Variants in CLDN18 observed in about 807,000 individuals in gnomAD.
CLDN18 encodes claudin-18.
Under a neutral mutation model 25.0 loss-of-function variants are expected in CLDN18, and 20 were observed. The ratio of observed to expected loss-of-function variants is 0.80; its 90% CI spans 0.56 to 1.16. CLDN18 has a LOEUF of 1.16. Among genes scored for constraint, CLDN18 ranks in the 50% most tolerant of loss-of-function variants. The pLI, the probability that CLDN18 is intolerant of heterozygous loss-of-function variation, is 0.00. For missense variants in CLDN18, 297 were observed against 345.4 expected, an observed-to-expected ratio of 0.86 and a Z score of 1.11; for synonymous variants, 125 against 135.6, an observed-to-expected ratio of 0.92 and a Z score of 0.54.
intron 1 of CLDN18, among the ~76,000 whole-genome samples, chr3:138,021,815 C>T (rs1942273332): frequency 1.3e-5 from 2 of 152,172 alleles, no homozygotes; most frequent in Non-Finnish European, 2.9e-5. Context: ...GGCTTCGAAC[C>T]TGGAGGGGTG....
intron 1 of CLDN18, among the ~76,000 whole-genome samples, 162 bp from the exon 2 acceptor site, chr3:138,023,496 C>T (rs1942292089): frequency 6.6e-6 from 1 of 152,226 alleles, no homozygotes; most frequent in Non-Finnish European, 1.5e-5. Flanking sequence ...CACAATTCCA[C>T]ATCCTTTGAC....
Position 138,032,051 on chromosome 3 carries a change from T to C in CLDN18, c.*910T>C, listed in dbSNP as rs1942403352. On this transcript the variant is annotated 3_prime_UTR_variant, in exon 5 of 5. Transcript: ENST00000183605. ...CTTAAGTACAAATTCCATGAAAAGC[T>C]CACTGATCCTAATTCTTTCCCTTTG... is the stretch of plus-strand genomic sequence containing the variant. The C allele has an allele frequency of 6.6e-6, 1 of 152,214 alleles. No individual in the cohort carries two copies. Among genetic ancestry groups the C allele is most frequent in the South Asian group, 2.1e-4 (1 of 4,828 alleles). 9.4% of individuals were successfully genotyped at this position (152,214 alleles called of 1,614,324 possible).
At chr3:138,026,290 C>G (rs766166484) in intron 3 of CLDN18, among the ~76,000 whole-genome samples, 3 of 152,360 alleles carry the variant, frequency 2.0e-5, no homozygotes, top group South Asian at 4.1e-4. Flanking sequence ...TGTACACAGT[C>G]TGCAAGGTGT....
At chr3:138,017,479 C>T (rs1942219704) in intron 1 of CLDN18, among the ~76,000 whole-genome samples, 1 of 152,178 alleles carries the variant, frequency 6.6e-6, no homozygotes, top group South Asian at 2.1e-4. Flanking sequence ...AACCAAACCA[C>T]ATTTAACCAG....
chr3:138,013,033 A>T (rs1263863906), intron 1 of CLDN18, among the ~76,000 whole-genome samples: 1 of 152,178 alleles, frequency 6.6e-6, no homozygotes, highest in Non-Finnish European at 1.5e-5. Flanking sequence ...TTATTTCCCC[A>T]TTTCCCAGAA....
chr3:138,027,922 GT>G (rs1291545759), intron 3 of CLDN18, among the ~76,000 whole-genome samples: 1 of 152,132 alleles, frequency 6.6e-6, no homozygotes, highest in African/African-American at 2.4e-5. Flanking sequence ...CCAAATTTCT[GT>G]CTTTTTCCCA....
intron 1 of CLDN18, among the ~76,000 whole-genome samples, chr3:138,022,415 A>G (rs1942282674): frequency 6.6e-6 from 1 of 152,204 alleles, no homozygotes; most frequent in Non-Finnish European, 1.5e-5. Context: ...CGAAATCAAG[A>G]ATAAATATTT....
chr3:138,010,732 C>T (rs534972541), intron 1 of CLDN18, among the ~76,000 whole-genome samples: 337 of 152,304 alleles, frequency 2.2e-3, no homozygotes, highest in African/African-American at 7.9e-3. Context: ...GGAATAAACT[C>T]GTGTTTCTCA....
intron 1 of CLDN18, among the ~76,000 whole-genome samples, chr3:138,014,580 A>G (rs1002939814): frequency 4.6e-5 from 7 of 152,164 alleles, no homozygotes; most frequent in Non-Finnish European, 7.4e-5. Context: ...ACTGGGGGAT[A>G]GTTCCCAGCA....
intron 3 of CLDN18, among the ~76,000 whole-genome samples, chr3:138,028,955 A>G (rs1362568983): frequency 6.6e-6 from 1 of 152,222 alleles, no homozygotes; most frequent in Non-Finnish European, 1.5e-5. Flanking sequence ...GTAGGAGCTC[A>G]ATAAAGACTT....
chr3:138,003,302 A>C (rs182312792), intron 1 of CLDN18, among the ~76,000 whole-genome samples: 1 of 152,312 alleles, frequency 6.6e-6, no homozygotes, highest in Admixed American at 6.5e-5. Flanking sequence ...AGTAAGTGTC[A>C]TGTCTGGTAC....
intron 1 of CLDN18, among the ~76,000 whole-genome samples, chr3:138,013,642 A>T (rs969400912): frequency 2.0e-5 from 3 of 152,206 alleles, no homozygotes; most frequent in South Asian, 2.1e-4. Flanking sequence ...TTGGGTGAGC[A>T]CCTACTGTCT....
At chr3:138,021,274 G>A (rs1455762338) in intron 1 of CLDN18, among the ~76,000 whole-genome samples, 1 of 152,048 alleles carries the variant, frequency 6.6e-6, no homozygotes, top group South Asian at 2.1e-4. Flanking sequence ...AAAGTGTTAA[G>A]CATTTCTCCT....
At chr3:138,013,597 C>A (rs1224002911) in intron 1 of CLDN18, among the ~76,000 whole-genome samples, 3 of 152,170 alleles carry the variant, frequency 2.0e-5, no homozygotes, top group Non-Finnish European at 4.4e-5. Flanking sequence ...AGCCATATGG[C>A]CCCAGGAGCT....
chr3:138,023,818 C>T lies in CLDN18; in HGVS notation c.381C>T (p.Val127=), dbSNP rs543312707. The change falls in exon 2 of 5, where the codon GTC becomes GTT. Residue 127 remains valine, a synonymous_variant. Coordinates refer to ENST00000183605, the MANE Select transcript of CLDN18 (RefSeq NM_016369.4). ...MTLTSGIMFI[V]SGLCAIAGVS... ...TGACCTCCGGGATCATGTTCATTGT[C>T]TCAGGTAAACACAGAGCCTGGAGTT... The T allele has an allele frequency of 6.2e-7, 1 of 1,611,628 alleles. No individual in the cohort carries two copies. Among genetic ancestry groups the T allele is most frequent in the East Asian group, 2.2e-5 (1 of 44,796 alleles).
intron 1 of CLDN18, among the ~76,000 whole-genome samples, chr3:138,019,715 C>A (rs1035071029): frequency 3.9e-5 from 6 of 152,168 alleles, no homozygotes; most frequent in African/African-American, 7.2e-5. Flanking sequence ...TTTAAAAGCT[C>A]CCCCAGAAGA....
chr3:137,999,020 G>A (rs139388349), exon 1 of CLDN18: 276 of 1,614,202 alleles, frequency 1.7e-4, no homozygotes, highest in Admixed American at 2.5e-4. Context: ...GGGCTGTGGC[G>A]CTCCTGTGTC....
At chr3:138,016,231 C>T (rs895585893) in intron 1 of CLDN18, among the ~76,000 whole-genome samples, 57 of 152,220 alleles carry the variant, frequency 3.7e-4, no homozygotes, top group Admixed American at 3.5e-3. Flanking sequence ...ATGGCAGAAA[C>T]AGGAAGTGAA....
intron 3 of CLDN18, among the ~76,000 whole-genome samples, chr3:138,028,847 A>T (rs1559808519): frequency 6.6e-6 from 1 of 152,138 alleles, no homozygotes; most frequent in Non-Finnish European, 1.5e-5. Flanking sequence ...CCCAAGTTAG[A>T]ATTCTCTTGT....
Sources: gnomAD v4.1 joint callset for allele counts (sites outside exome capture counted in the v4.1 genomes callset) on GRCh38, gnomAD v4.1.1 for gene constraint, MANE v1.5 for transcripts, NCBI Gene and HGNC (gene_info 2026-07-23, HGNC 2026-07-21) for gene names.